The following XRCC4 variants were observed in gnomAD, a reference collection of about 807,000 sequenced individuals.
The protein encoded by XRCC4 is X-ray repair cross complementing 4, also known as DNA repair protein XRCC4.
A neutral mutation model predicts 39.1 loss-of-function variants in XRCC4; 28 were observed. The ratio of observed to expected loss-of-function variants is 0.72; its 90% CI spans 0.53 to 0.98. The LOEUF (loss-of-function observed/expected upper bound fraction) is 0.98, where lower values mean the gene tolerates loss of function less well. XRCC4 is among the 50% of genes least tolerant of loss of function. The pLI is 0.00. For missense variants in XRCC4, 350 were observed against 376.4 expected (o/e 0.93, Z 0.58); for synonymous variants, 123 against 126.4 (o/e 0.97, Z 0.18).
chr5:83,328,124 C>A (rs111535997), intron 7 of XRCC4, among the ~76,000 whole-genome samples: 7 of 152,014 alleles, frequency 4.6e-5, no homozygotes, highest in African/African-American at 1.7e-4. Context: ...ATGGCAGCAG[C>A]AAGAGAAAAT....
intron 7 of XRCC4, among the ~76,000 whole-genome samples, chr5:83,351,692 G>A (rs563930358): frequency 6.6e-6 from 1 of 151,998 alleles, no homozygotes; most frequent in Non-Finnish European, 1.5e-5. Flanking sequence ...ATGCATTAAT[G>A]CCTAGCACCT....
chr5:83,080,475 G>A (rs563839458), intron 1 of XRCC4, among the ~76,000 whole-genome samples: 2 of 151,276 alleles, frequency 1.3e-5, no homozygotes, highest in South Asian at 2.1e-4. Context: ...GCAGTGAGCC[G>A]AGATTGTGCC....
intron 6 of XRCC4, among the ~76,000 whole-genome samples, chr5:83,205,604 GATTT>G (rs764721056): frequency 2.6e-4 from 39 of 152,186 alleles, no homozygotes; most frequent in Non-Finnish European, 5.3e-4. Flanking sequence ...ATAAATGCTT[GATTT>G]ATTTATTTAG....
At chr5:83,364,319 T>C in the XRCC4 span, among the ~76,000 whole-genome samples, 4 of 152,254 alleles carry the variant, frequency 2.6e-5, no homozygotes, top group Admixed American at 6.5e-5. Flanking sequence ...AAATAGTGGC[T>C]AATATTTTTA....
chr5:83,160,852 G>A (rs1349648602), intron 3 of XRCC4, among the ~76,000 whole-genome samples: 1 of 151,516 alleles, frequency 6.6e-6, no homozygotes, highest in Non-Finnish European at 1.5e-5. Context: ...TTAAGGAAGA[G>A]ACCAAATTTA....
At chr5:83,349,027 T>A (rs1167326684) in intron 7 of XRCC4, among the ~76,000 whole-genome samples, 1 of 152,172 alleles carries the variant, frequency 6.6e-6, no homozygotes, top group Non-Finnish European at 1.5e-5. Flanking sequence ...AGCATTTTGG[T>A]CACAACAATT....
intron 7 of XRCC4, among the ~76,000 whole-genome samples, chr5:83,323,009 A>G (rs771884447): frequency 1.8e-4 from 28 of 152,292 alleles, no homozygotes; most frequent in Non-Finnish European, 3.1e-4. Context: ...AATAATTGTT[A>G]TAGTACAGCA....
At chr5:83,161,133 G>A (rs1260428599) in intron 3 of XRCC4, among the ~76,000 whole-genome samples, 2 of 145,296 alleles carry the variant, frequency 1.4e-5, no homozygotes, top group South Asian at 2.2e-4. Context: ...TTTTTGAGAT[G>A]GAGTTTTGCT....
At chr5:83,211,602 T>C (rs1751647556) in intron 6 of XRCC4, among the ~76,000 whole-genome samples, 1 of 152,188 alleles carries the variant, frequency 6.6e-6, no homozygotes, top group Non-Finnish European at 1.5e-5. Context: ...ACTTTCAACA[T>C]ACTCCTGTTC....
chr5:83,110,844 T>G (rs1358495397), intron 2 of XRCC4, among the ~76,000 whole-genome samples, 184 bp from the exon 3 acceptor site: 2 of 152,078 alleles, frequency 1.3e-5, no homozygotes, highest in Non-Finnish European at 2.9e-5. Context: ...TTAATGCATT[T>G]CTCAAAAATT....
intron 3 of XRCC4, among the ~76,000 whole-genome samples, chr5:83,183,044 T>C (rs1437238412): frequency 6.6e-6 from 1 of 152,218 alleles, no homozygotes; most frequent in African/African-American, 2.4e-5. Context: ...TAGCTTCTTA[T>C]CTGAATACGT....
chr5:83,325,680 T>C (rs1041329314), intron 7 of XRCC4, among the ~76,000 whole-genome samples: 1 of 152,264 alleles, frequency 6.6e-6, no homozygotes, highest in Non-Finnish European at 1.5e-5. Flanking sequence ...ATGGTGTATA[T>C]GTACATATTT....
chr5:83,285,774 T>G (rs1754713166), intron 7 of XRCC4, among the ~76,000 whole-genome samples: 1 of 152,114 alleles, frequency 6.6e-6, no homozygotes. Flanking sequence ...AAACCACGTG[T>G]AATTCTGAGT....
At chr5:83,341,375 C>A (rs907666396) in intron 7 of XRCC4, among the ~76,000 whole-genome samples, 2 of 152,066 alleles carry the variant, frequency 1.3e-5, no homozygotes, top group African/African-American at 2.4e-5. Context: ...TGTATATACA[C>A]ACATATTCTG....
At chr5:83,134,768 G>A (rs778061113) in intron 3 of XRCC4, among the ~76,000 whole-genome samples, 1 of 152,076 alleles carries the variant, frequency 6.6e-6, no homozygotes, top group Non-Finnish European at 1.5e-5. Context: ...CTTTGGGTTC[G>A]CTCTGCCTTT....
chr5:83,182,761 C>G (rs1750259666), intron 3 of XRCC4, among the ~76,000 whole-genome samples: 1 of 152,050 alleles, frequency 6.6e-6, no homozygotes, highest in African/African-American at 2.4e-5. Context: ...ATAAAAGAGG[C>G]CTGAGCGAGG....
At chr5:83,336,803 A>G (rs1163454803) in intron 7 of XRCC4, among the ~76,000 whole-genome samples, 1 of 152,146 alleles carries the variant, frequency 6.6e-6, no homozygotes, top group Admixed American at 6.6e-5. Context: ...TTTAACCACA[A>G]CTTTCTCTTC....
chr5:83,371,382 C>G, the XRCC4 span, among the ~76,000 whole-genome samples: 3 of 152,166 alleles, frequency 2.0e-5, no homozygotes, highest in Non-Finnish European at 2.9e-5. Flanking sequence ...AAGACAAGAA[C>G]CCAGTCTTTC....
rs1339762616 is a variant in XRCC4 at position 83,353,533 on chromosome 5, ATAT to A, written c.*295_*297del. The A allele has an allele frequency of 1.7e-4, 35 of 203,452 alleles. No homozygotes were observed. The highest frequency in any genetic ancestry group is 6.5e-4 in the African/African-American group (28 of 43,360). The allele number at this position is 203,452 out of a possible 1,614,324, so 12.6% of individuals were successfully genotyped here. ...ACACATTTATCATATTCATTCACAC[ATAT>A]TATATGTGATAGCTGTCCAACATCC... On this transcript the variant is annotated 3_prime_UTR_variant, in exon 8 of 8. Transcript: ENST00000396027.
Sources: allele counts gnomAD v4.1 joint callset (sites outside exome capture counted in the v4.1 genomes callset), GRCh38; gene constraint gnomAD v4.1.1; transcripts MANE v1.5; gene names NCBI Gene and HGNC (gene_info 2026-07-23, HGNC 2026-07-21).